The following ROBO2 variants were observed in gnomAD, a reference collection of about 807,000 sequenced individuals.
ROBO2 encodes the protein roundabout homolog 2.
ROBO2 carries 53 observed loss-of-function variants against 160.8 expected under a neutral mutation model. The observed-to-expected ratio is 0.33, with a 90% confidence interval of 0.26 to 0.41. The LOEUF (loss-of-function observed/expected upper bound fraction) is 0.41. Ranked by LOEUF, ROBO2 falls within the 10% of genes least tolerant of loss-of-function variation. The probability of loss-of-function intolerance (pLI) is 1.00; values close to 1 mark genes in which losing one functional copy is unlikely to be tolerated. For missense variants in ROBO2, 1,577 were observed against 1,722.4 expected (o/e 0.92, Z 1.49); for synonymous variants, 664 against 611.7 (o/e 1.09, Z -1.26).
chr3:76,151,079 C>G (rs1043945328), intron 2 of ROBO2, among the ~76,000 whole-genome samples: 1 of 152,074 alleles, frequency 6.6e-6, no homozygotes, highest in Non-Finnish European at 1.5e-5. Flanking sequence ...TCCCCCTTTC[C>G]TCTGTGCAAT....
intron 2 of ROBO2, among the ~76,000 whole-genome samples, chr3:76,588,223 G>A (rs1020952551): frequency 2.6e-5 from 4 of 152,128 alleles, no homozygotes. Context: ...TGAGTTTATA[G>A]CAGTATGTGA....
intron 2 of ROBO2, among the ~76,000 whole-genome samples, chr3:76,560,929 GTA>G (rs2084137798): frequency 2.1e-5 from 2 of 97,278 alleles, no homozygotes; most frequent in African/African-American, 8.6e-5. Context: ...TATATAAGAA[GTA>G]AGATATATAT....
chr3:76,585,085 A>T (rs746904263), intron 2 of ROBO2, among the ~76,000 whole-genome samples: 1 of 152,224 alleles, frequency 6.6e-6, no homozygotes, highest in Non-Finnish European at 1.5e-5. Context: ...AATCGCTAGC[A>T]ATCATGTAGT....
chr3:77,207,454 C>T (rs758160661), intron 2 of ROBO2, among the ~76,000 whole-genome samples: 1 of 152,112 alleles, frequency 6.6e-6, no homozygotes, highest in Non-Finnish European at 1.5e-5. Flanking sequence ...TGCTTAAATG[C>T]CTCTCATTAA....
intron 2 of ROBO2, among the ~76,000 whole-genome samples, chr3:77,274,582 T>C (rs2059705336): frequency 6.6e-6 from 1 of 152,142 alleles, no homozygotes; most frequent in Non-Finnish European, 1.5e-5. Context: ...TAATGATGTT[T>C]TTAAAAGCTC....
At chr3:76,172,247 A>G (rs1467195220) in intron 2 of ROBO2, among the ~76,000 whole-genome samples, 2 of 142,130 alleles carry the variant, frequency 1.4e-5, no homozygotes, top group Non-Finnish European at 3.1e-5. Context: ...ATGAGAACAC[A>G]TGGACACAGG....
chr3:76,461,025 C>T (rs2078057924), intron 2 of ROBO2, among the ~76,000 whole-genome samples: 1 of 152,160 alleles, frequency 6.6e-6, no homozygotes, highest in African/African-American at 2.4e-5. Flanking sequence ...TCTTGCATTG[C>T]TATAAAGAAA....
intron 2 of ROBO2, among the ~76,000 whole-genome samples, chr3:76,407,646 G>A (rs2075277170): frequency 6.6e-6 from 1 of 151,990 alleles, no homozygotes; most frequent in Admixed American, 6.6e-5. Context: ...GATGGAATAT[G>A]AAGGTACCAA....
chr3:77,568,503 A>G (rs1559631631), intron 13 of ROBO2, 69 bp downstream of exon 14: 13 of 1,569,440 alleles, frequency 8.3e-6, no homozygotes, highest in Non-Finnish European at 1.1e-5. Context: ...GGAAAATGCA[A>G]ATGAACAAAG....
intron 2 of ROBO2, among the ~76,000 whole-genome samples, chr3:76,005,299 C>T (rs2107584709): frequency 6.6e-6 from 1 of 152,268 alleles, no homozygotes; most frequent in African/African-American, 2.4e-5. Flanking sequence ...TGAGCAAGGA[C>T]ATGAACAGAT....
intron 2 of ROBO2, among the ~76,000 whole-genome samples, chr3:76,859,915 C>T (rs2070559467): frequency 6.6e-6 from 1 of 152,186 alleles, no homozygotes; most frequent in Non-Finnish European, 1.5e-5. Flanking sequence ...GGCAAGTCTA[C>T]CTCTCACCAG....
chr3:76,798,276 G>GAAAGAAAGA (rs1560580774), intron 2 of ROBO2, among the ~76,000 whole-genome samples: 2 of 137,532 alleles, frequency 1.5e-5, no homozygotes, highest in African/African-American at 5.5e-5. Flanking sequence ...AAGAAAGAAA[G>GAAAGAAAGA]AAAGAAAGAA....
chr3:77,499,284 T>C lies in ROBO2; in HGVS notation c.806+5902T>C, dbSNP rs765462450. On this transcript the variant is annotated intron_variant, in intron 5 of 25. Transcript: ENST00000461745. Reference sequence around the variant, plus strand: ...GATCTTGAAGAAGCTATTTAAACTCTATGTTTTACATCCTGAAAATATGGC... The same window carrying C: ...GATCTTGAAGAAGCTATTTAAACTCCATGTTTTACATCCTGAAAATATGGC... 2.4e-4 allele frequency among the ~76,000 whole-genome samples: 36 copies of C among 152,224 alleles called. 1 individual carries two copies. Among genetic ancestry groups the C allele is most frequent in the Admixed American group, 4.6e-4 (7 of 15,282 alleles).
chr3:76,869,342 G>T (rs9309754), intron 2 of ROBO2, among the ~76,000 whole-genome samples: 5,056 of 71,502 alleles, frequency 0.071, 404 homozygotes, highest in African/African-American at 0.18. Flanking sequence ...AGAAATTGAT[G>T]TTTTTTTTTT....
chr3:76,318,394 A>G (rs1178502455), intron 2 of ROBO2, among the ~76,000 whole-genome samples: 1 of 152,126 alleles, frequency 6.6e-6, no homozygotes, highest in Non-Finnish European at 1.5e-5. Context: ...AAGCATGTGT[A>G]CAAATTGTGT....
upstream of ROBO2, among the ~76,000 whole-genome samples, chr3:77,036,243 A>G (rs2063628573): frequency 6.6e-6 from 1 of 151,984 alleles, no homozygotes; most frequent in African/African-American, 2.4e-5. Context: ...ATTTAACAAT[A>G]TGATGAATTT....
intron 17 of ROBO2, 141 bp from the exon 19 acceptor site, chr3:77,595,001 T>C (rs530107132): frequency 1.5e-6 from 1 of 656,452 alleles, no homozygotes; most frequent in East Asian, 2.7e-5. Flanking sequence ...TGTTACTCTC[T>C]GTACAATGAT....
rs188130505 is a variant in ROBO2, at chr3:76,652,583, A to G, written c.110-445431A>G. Among the ~76,000 whole-genome samples the G allele has an allele frequency of 6.0e-3, 915 of 152,352 alleles. 3 individuals are homozygous for G. The highest frequency in any genetic ancestry group is 9.7e-3 in the Non-Finnish European group (663 of 68,030). ...CGTACAAAAGAATATCTTTCATGCA[A>G]TTTAGCAGTTTAAGATATATATGAC... On this transcript the variant is annotated intron_variant, in intron 2 of 26. Transcript: ENST00000487694.
chr3:76,369,416 A>G (rs878895679), intron 2 of ROBO2, among the ~76,000 whole-genome samples: 7 of 151,958 alleles, frequency 4.6e-5, no homozygotes, highest in South Asian at 4.1e-4. Context: ...TCATTCTGCA[A>G]TATCTCCTTG....
Sources: gnomAD v4.1 joint callset for allele counts (sites outside exome capture counted in the v4.1 genomes callset) on GRCh38, gnomAD v4.1.1 for gene constraint, MANE v1.5 for transcripts, NCBI Gene and HGNC (gene_info 2026-07-23, HGNC 2026-07-21) for gene names.